MCF2L: variants seen among roughly 807,000 people sequenced by gnomAD.
The protein encoded by MCF2L is guanine nucleotide exchange factor DBS.
Under a neutral mutation model 153.4 loss-of-function variants are expected in MCF2L, and 97 were observed. The observed-to-expected ratio is 0.63, with a 90% CI of 0.54 to 0.75. The LOEUF (loss-of-function observed/expected upper bound fraction) is 0.75, where lower values mean the gene tolerates loss of function less well. Among genes scored for constraint, MCF2L ranks in the 30% least tolerant of loss-of-function variants. MCF2L has a pLI of 0.00. For missense variants in MCF2L, 1,347 were observed against 1,495.2 expected (o/e 0.90, Z 1.64); for synonymous variants, 659 against 632.2 (o/e 1.04, Z -0.64).
chr13:112,964,740 A>G (rs1000457977), upstream of MCF2L: 2 of 152,260 alleles, frequency 1.3e-5, no homozygotes, highest in African/African-American at 4.8e-5. Flanking sequence ...AGCATCATGA[A>G]AAAACGTTTA....
intron 3 of MCF2L, among the ~76,000 whole-genome samples, chr13:113,037,064 A>C (rs750685270): frequency 6.6e-6 from 1 of 152,134 alleles, no homozygotes; most frequent in African/African-American, 2.4e-5. Context: ...CCTCCTGTCC[A>C]TCTCAGTGCA....
chr13:112,937,860 T>C (rs1387411982), intron 2 of MCF2L, among the ~76,000 whole-genome samples: 1 of 152,116 alleles, frequency 6.6e-6, no homozygotes, highest in Non-Finnish European at 1.5e-5. Flanking sequence ...TCAGGTGAAC[T>C]GTGATTGGTT....
intron 2 of MCF2L, among the ~76,000 whole-genome samples, chr13:112,926,587 G>A (rs966863496): frequency 6.6e-6 from 1 of 152,184 alleles, no homozygotes; most frequent in Non-Finnish European, 1.5e-5. Context: ...GCAGAGTGCT[G>A]TGTGGCTTCA....
chr13:113,090,431 C>T (rs1472780294), intron 26 of MCF2L: 6 of 626,722 alleles, frequency 9.6e-6, no homozygotes, highest in Middle Eastern at 7.9e-4. Flanking sequence ...CCTCCTTCCT[C>T]TCCCTGCCCC....
intron 1 of MCF2L, among the ~76,000 whole-genome samples, chr13:112,897,101 T>C (rs1042874212): frequency 7.2e-5 from 11 of 151,974 alleles, no homozygotes; most frequent in African/African-American, 2.7e-4. Flanking sequence ...CAGTGGCACT[T>C]TGAGAATTTC....
chr13:113,064,458 A>C lies in MCF2L; in HGVS notation c.606+38A>C. ...GGGGCCAGCGGGGCTGGCTGATACC[A>C]GCTCGAGTACTTCCACAGAATCGCT... On this transcript the variant is annotated intron_variant, in intron 6 of 29. Coordinates refer to ENST00000535094, the MANE Select transcript of MCF2L (RefSeq NM_001112732.3). The surrounding 1 kb of genome is among the most constrained non-coding windows in gnomAD (Gnocchi z 6.0). 1 of 1,304,928 alleles carries C rather than the reference A, an allele frequency of 7.7e-7. No individual in the cohort carries two copies. Among genetic ancestry groups the C allele is most frequent in the Non-Finnish European group, 1.1e-6 (1 of 904,502 alleles). The allele number at this position is 1,304,928 out of a possible 1,614,324, so 80.8% of individuals were successfully genotyped here.
intron 4 of MCF2L, among the ~76,000 whole-genome samples, chr13:113,049,633 G>A (rs1344593683): frequency 1.3e-5 from 2 of 152,188 alleles, no homozygotes; most frequent in African/African-American, 2.4e-5. Context: ...GAGCCCTCAA[G>A]CAGGTTTCCA....
chr13:113,067,200 C>A (rs1386707246), intron 8 of MCF2L, among the ~76,000 whole-genome samples: 1 of 152,046 alleles, frequency 6.6e-6, no homozygotes, highest in East Asian at 1.9e-4. Context: ...AGCTGGAGTC[C>A]CAGCTACGCG....
intron 2 of MCF2L, among the ~76,000 whole-genome samples, chr13:113,016,820 G>A (rs1019685855): frequency 9.2e-5 from 14 of 152,236 alleles, no homozygotes; most frequent in East Asian, 1.9e-4. Flanking sequence ...CTCCCTCCTC[G>A]CCTGCGCTCT....
Position 113,099,096 on chromosome 13 carries a change from C to A in MCF2L, c.*2237C>A, listed in dbSNP as rs2035826450. ...AAAAGAAGACAGAACAGACAAACAC[C>A]ATAAGAAAGCTGGTGTAGCAGTATC... On this transcript the variant is annotated 3_prime_UTR_variant, in exon 30 of 30. Coordinates refer to ENST00000535094, the MANE Select transcript of MCF2L (RefSeq NM_001112732.3). 6.6e-6 allele frequency: 1 copy of A among 152,166 alleles called. No homozygotes were observed. The highest frequency in any genetic ancestry group is 1.5e-5 in the Non-Finnish European group (1 of 68,040). 9.4% of individuals were successfully genotyped at this position (152,166 alleles called of 1,614,324 possible). A position where few individuals can be genotyped will look rare whatever the true frequency, so the allele number is the denominator to read the frequency against.
chr13:112,923,016 G>A (rs2081367981), intron 2 of MCF2L, among the ~76,000 whole-genome samples: 1 of 152,198 alleles, frequency 6.6e-6, no homozygotes, highest in Non-Finnish European at 1.5e-5. Flanking sequence ...ATAGGAATTG[G>A]TGGATACTTT....
chr13:113,086,347 T>C, intron 21 of MCF2L, 98 bp downstream of exon 21: 1 of 1,530,998 alleles, frequency 6.5e-7, no homozygotes, highest in Non-Finnish European at 8.8e-7. Flanking sequence ...CGCTTTGGTG[T>C]GAATGTGCAG....
intron 2 of MCF2L, among the ~76,000 whole-genome samples, chr13:112,953,200 T>C (rs1369421822): frequency 6.6e-6 from 1 of 152,210 alleles, no homozygotes; most frequent in African/African-American, 2.4e-5. Flanking sequence ...CTTGGTGAAC[T>C]GGAAGGTACG....
intron 16 of MCF2L, among the ~76,000 whole-genome samples, chr13:113,081,854 C>T (rs61966407): frequency 0.022 from 3,325 of 151,746 alleles, 47 homozygotes; most frequent in Middle Eastern, 0.065. Context: ...CAAGTGTAGA[C>T]GGGTGTCTGA....
chr13:112,969,242 C>CGGCTGGA lies in MCF2L; in HGVS notation c.-132_-126dup. 1 of 1,360,740 alleles carries CGGCTGGA rather than the reference C, an allele frequency of 7.3e-7. No homozygotes were observed. The highest frequency in any genetic ancestry group is 9.5e-7 in the Non-Finnish European group (1 of 1,048,886). The allele number at this position is 1,360,740 out of a possible 1,614,324, so 84.3% of individuals were successfully genotyped here. A position where few individuals can be genotyped will look rare whatever the true frequency, so the allele number is the denominator to read the frequency against. ...GAACCAATCCTGGGCAGGGAGGCGG[C>CGGCTGGA]GGCTGGAGGCTGAAAGCGCTGCCGT... On this transcript the variant is annotated 5_prime_UTR_variant, in exon 1 of 30. Coordinates refer to ENST00000535094, the MANE Select transcript of MCF2L (RefSeq NM_001112732.3). This position sits in a 1 kb window ranked among gnomAD's most constrained non-coding sequence, Gnocchi z 4.8.
intron 2 of MCF2L, among the ~76,000 whole-genome samples, chr13:112,962,866 A>G (rs2081849376): frequency 6.6e-6 from 1 of 152,236 alleles, no homozygotes; most frequent in Non-Finnish European, 1.5e-5. Context: ...TGCTGAACCC[A>G]GAATCCAGGC....
intron 17 of MCF2L, 48 bp from the exon 18 acceptor site, chr13:113,083,950 C>T (rs1165709636): frequency 2.9e-6 from 4 of 1,377,754 alleles, no homozygotes; most frequent in Admixed American, 1.7e-5. Flanking sequence ...CACTGGTCCA[C>T]GTGACTCGGC....
intron 1 of MCF2L, among the ~76,000 whole-genome samples, chr13:112,973,526 T>C (rs1594425707): frequency 6.6e-6 from 1 of 152,226 alleles, no homozygotes; most frequent in Non-Finnish European, 1.5e-5. Flanking sequence ...CTTGGTGTCC[T>C]GTGTTGCTGA....
chr13:112,895,260 GGCGTGGCCC>G (rs1238420248), intron 1 of MCF2L, among the ~76,000 whole-genome samples: 1 of 152,166 alleles, frequency 6.6e-6, no homozygotes, highest in African/African-American at 2.4e-5. Flanking sequence ...CCCGCCCAGG[GGCGTGGCCC>G]GCATGACCCT....
Sources: gnomAD v4.1 joint callset for allele counts (sites outside exome capture counted in the v4.1 genomes callset) on GRCh38, gnomAD v4.1.1 for gene constraint, Gnocchi (gnomAD v3.1) non-coding constraint, MANE v1.5 for transcripts, NCBI Gene and HGNC (gene_info 2026-07-23, HGNC 2026-07-21) for gene names.